Variants in CCKBR observed in about 807,000 individuals in gnomAD.
The protein encoded by CCKBR is cholecystokinin B receptor, also known as gastrin/cholecystokinin type B receptor.
A neutral mutation model predicts 34.6 loss-of-function variants in CCKBR; 33 were observed. The ratio of observed to expected loss-of-function variants is 0.95; its 90% confidence interval spans 0.72 to 1.27. The LOEUF (loss-of-function observed/expected upper bound fraction) is 1.27. Ranked by LOEUF, CCKBR falls within the 50% of genes most tolerant of loss-of-function variation. The pLI, the probability that CCKBR is intolerant of heterozygous loss-of-function variation, is 0.00. For synonymous variants in CCKBR, 269 were observed against 267.5 expected (o/e 1.01, Z -0.06); for missense variants, 652 against 617.4 (o/e 1.06, Z -0.59).
At chr11:6,261,434 C>CAAAAAAA (rs71056733) in intron 1 of CCKBR, among the ~76,000 whole-genome samples, 6 of 14,438 alleles carry the variant, frequency 4.2e-4, no homozygotes, top group African/African-American at 7.0e-4. Flanking sequence ...TTCCTGTTGG[C>CAAAAAAA]AAAAAAAAAA....
chr11:6,269,539 C>T, intron 1 of CCKBR, 130 bp from the exon 2 acceptor site: 2 of 1,061,500 alleles, frequency 1.9e-6, no homozygotes, highest in Non-Finnish European at 2.8e-6. Flanking sequence ...TCACCATTTA[C>T]TGAGCAGTTC....
chr11:6,271,148 G>C lies in CCKBR; in HGVS notation c.949G>C (p.Gly317Arg), dbSNP rs544323198. 17 of 1,613,994 alleles carry C rather than the reference G, an allele frequency of 1.1e-5. No homozygotes were observed. In the African/African-American group the frequency reaches 1.6e-4, roughly 15 times the overall value. Residue 317 changes from glycine (G) to arginine (R), a missense_variant, in exon 5 of 5, where the codon GGC (glycine) becomes CGC (arginine). Physicochemically the swap from Gly to Arg is moderately radical, Grantham distance 125. Transcript: ENST00000334619. ...TALTAPGPGS[G>R]SRPTQAKLLA... Reference sequence around the variant, plus strand: ...GCTGACGGCTCCTGGGCCGGGATCCGGCTCCCGGCCCACCCAGGCCAAGCT... The same window carrying C: ...GCTGACGGCTCCTGGGCCGGGATCCCGCTCCCGGCCCACCCAGGCCAAGCT...
At chr11:6,264,779 G>T in intron 1 of CCKBR, 1 of 471,536 alleles carries the variant, frequency 2.1e-6, no homozygotes, top group Non-Finnish European at 3.7e-6. Flanking sequence ...TTTTGTGCAT[G>T]ACTTTTTAAA....
At position 6,271,331 on chromosome 11, in the gene CCKBR, C is replaced by T. The variant is rs199896310; in HGVS notation, c.1132C>T (p.Leu378=). 1 of 1,614,210 alleles carries T rather than the reference C, an allele frequency of 6.2e-7. No individual in the cohort carries two copies. Among genetic ancestry groups the T allele is most frequent in the East Asian group, 2.2e-5 (1 of 44,884 alleles). Residue 378 remains leucine, a synonymous_variant, in exon 5 of 5, where the codon CTG becomes TTG. Transcript: ENST00000334619. ...TGCTCCTATCTCCTTCATTCACTTG[C>T]TGAGCTACGCCTCGGCCTGTGTCAA... ...SGAPISFIHL[L]SYASACVNPL... is the part of the protein sequence containing the mutation.
chr11:6,270,994 C>G lies in CCKBR; in HGVS notation c.812-17C>G, dbSNP rs1324481984. The stretch of plus-strand genomic sequence containing the variant: ...GGGACTCGCCTTTTTCTCTGACCGC[C>G]CACCCTTTGTGCTCAGGGGCTGTTC... On this transcript the variant is annotated splice_polypyrimidine_tract_variant and intron_variant, in intron 4 of 4. Coordinates refer to ENST00000334619, the MANE Select transcript of CCKBR (RefSeq NM_176875.4). 6.2e-7 allele frequency: 1 copy of G among 1,613,524 alleles called. No homozygotes were observed. The highest frequency in any genetic ancestry group is 8.5e-7 in the Non-Finnish European group (1 of 1,179,660).
chr11:6,266,433 G>A (rs1590668865), intron 1 of CCKBR, among the ~76,000 whole-genome samples: 1 of 152,284 alleles, frequency 6.6e-6, no homozygotes, highest in African/African-American at 2.4e-5. Context: ...AGGTTGCGGT[G>A]AGCCAAGATC....
At chr11:6,269,607 G>T (rs1848260436) in intron 1 of CCKBR, 62 bp from the exon 2 acceptor site, 1 of 1,577,908 alleles carries the variant, frequency 6.3e-7, no homozygotes, top group African/African-American at 1.3e-5. Context: ...AAGACGGAAG[G>T]AGGGGGATTT....
At chr11:6,261,462 T>TATATATATATATACACACACACACAC (rs764173521) in intron 1 of CCKBR, among the ~76,000 whole-genome samples, 2 of 64,016 alleles carry the variant, frequency 3.1e-5, no homozygotes, top group South Asian at 7.0e-4. Context: ...AAAATATATA[T>TATATATATATATACACACACACACAC]ACACACACAC....
rs1170563126 is a variant in CCKBR at position 6,271,046 on chromosome 11, A to G, written c.847A>G (p.Thr283Ala). The change falls in exon 5 of 5, where the codon ACT (threonine) becomes GCT (alanine). Residue 283 changes from threonine to alanine, a missense_variant. Transcript: ENST00000334619. ...CCAGAACGGGCGTTGCCGGCCTGAG[A>G]CTGGCGCGGTTGGCGAAGACAGCGA... ...VHQNGRCRPETGAVGEDSDGC... is the reference protein window; with the variant it reads ...VHQNGRCRPEAGAVGEDSDGC... 3 of 1,614,096 alleles carry G rather than the reference A, an allele frequency of 1.9e-6. No homozygotes were observed. The highest frequency in any genetic ancestry group is 8.5e-7 in the Non-Finnish European group (1 of 1,180,026).
chr11:6,271,254 C>T lies in CCKBR; in HGVS notation c.1055C>T (p.Ala352Val), dbSNP rs765032135. ...FFLCWLPVYS[A>V]NTWRAFDGPG... ...CTGTGTTGGTTGCCAGTTTATAGTG[C>T]CAACACGTGGCGCGCCTTTGATGGC... The change falls in exon 5 of 5, where the codon GCC becomes GTC. Residue 352 changes from alanine (A) to valine (V), a missense_variant. Transcript: ENST00000334619. 1.2e-6 allele frequency: 2 copies of T among 1,614,208 alleles called. No individual in the cohort carries two copies. The highest frequency in any genetic ancestry group is 3.3e-5 in the Admixed American group (2 of 60,030).
At chr11:6,269,305 T>G (rs756914736) in intron 1 of CCKBR, among the ~76,000 whole-genome samples, 16 of 152,176 alleles carry the variant, frequency 1.1e-4, no homozygotes, top group Non-Finnish European at 1.9e-4. Context: ...AGTTAAAGAT[T>G]AGTGTACTTG....
In CCKBR at chr11:6,270,738, TTCGCTTTG is replaced by T. The variant is rs765238506; in HGVS notation, c.747_754del (p.Phe251ArgfsTer3). 1 of 1,614,196 alleles carries T rather than the reference TTCGCTTTG, an allele frequency of 6.2e-7. No homozygotes were observed. Among genetic ancestry groups the T allele is most frequent in the Non-Finnish European group, 8.5e-7 (1 of 1,180,052 alleles). On this transcript the variant is annotated frameshift_variant, in exon 4 of 5. Transcript: ENST00000334619. LOFTEE classifies it high-confidence loss of function. ...ATCTCTCGCGAGCTCTACTTAGGGC[TTCGCTTTG>T]ACGGCGACAGTGACAGCGACAGCCA... is the stretch of plus-strand genomic sequence containing the variant.
At chr11:6,263,863 T>G (rs375158877) in intron 1 of CCKBR, among the ~76,000 whole-genome samples, 33 of 152,214 alleles carry the variant, frequency 2.2e-4, no homozygotes, top group African/African-American at 7.7e-4. Context: ...TTCTGCTCAG[T>G]CAGCAATTTC....
intron 1 of CCKBR, among the ~76,000 whole-genome samples, chr11:6,268,878 G>A (rs1193318116): frequency 6.6e-6 from 1 of 152,164 alleles, no homozygotes; most frequent in African/African-American, 2.4e-5. Context: ...GACCAACAAG[G>A]GATGAATAGG....
intron 1 of CCKBR, among the ~76,000 whole-genome samples, chr11:6,267,386 A>G (rs1253154262): frequency 6.6e-6 from 1 of 152,138 alleles, no homozygotes; most frequent in Non-Finnish European, 1.5e-5. Flanking sequence ...GTTAAAACCA[A>G]GACACAAACA....
intron 3 of CCKBR, 133 bp downstream of exon 3, chr11:6,270,470 G>A (rs1189468204): frequency 1.3e-5 from 19 of 1,409,654 alleles, no homozygotes; most frequent in Non-Finnish European, 1.2e-5. Context: ...CCACCACCCT[G>A]GAGTTCCAGT....
chr11:6,260,752 C>A (rs1848117597), intron 1 of CCKBR, among the ~76,000 whole-genome samples: 1 of 152,250 alleles, frequency 6.6e-6, no homozygotes, highest in Non-Finnish European at 1.5e-5. Flanking sequence ...CTCCAGCTAT[C>A]TTCCAAGCTC....
intron 2 of CCKBR, 28 bp from the exon 3 acceptor site, chr11:6,270,060 A>T (rs201899108): frequency 1.9e-6 from 3 of 1,588,268 alleles, no homozygotes; most frequent in Non-Finnish European, 2.6e-6. Flanking sequence ...TTCCTAGGTG[A>T]CTCCTTCCTT....
intron 1 of CCKBR, among the ~76,000 whole-genome samples, chr11:6,269,448 G>C (rs1848257842): frequency 1.3e-5 from 2 of 152,160 alleles, no homozygotes; most frequent in South Asian, 4.1e-4. Flanking sequence ...ACCTTGAGAA[G>C]AGACAGGCTT....
Sources: gnomAD v4.1 joint callset for allele counts (sites outside exome capture counted in the v4.1 genomes callset) on GRCh38, gnomAD v4.1.1 for gene constraint, MANE v1.5 for transcripts, NCBI Gene and HGNC (gene_info 2026-07-23, HGNC 2026-07-21) for gene names.